CCDC92: variants seen among roughly 807,000 people sequenced by gnomAD.
The protein encoded by CCDC92 is coiled-coil domain containing 92, also known as coiled-coil domain-containing protein 92.
Under a neutral mutation model 24.9 loss-of-function variants are expected in CCDC92, and 12 were observed. That is an observed-to-expected ratio of 0.48 (90% CI 0.31 to 0.78). The LOEUF (loss-of-function observed/expected upper bound fraction) is 0.78, where lower values mean the gene tolerates loss of function less well. CCDC92 is among the 30% of genes least tolerant of loss of function. The pLI, the probability that CCDC92 is intolerant of heterozygous loss-of-function variation, is 0.05. For synonymous variants in CCDC92, 193 were observed against 196.3 expected (o/e 0.98, Z 0.14); for missense variants, 399 against 439.4 (o/e 0.91, Z 0.82).
chr12:123,964,501 G>C (rs1956345997), intron 1 of CCDC92, among the ~76,000 whole-genome samples: 1 of 152,114 alleles, frequency 6.6e-6, no homozygotes, highest in Non-Finnish European at 1.5e-5. Context: ...AGGACACTCA[G>C]AACACACCAA....
intron 1 of CCDC92, chr12:123,956,498 T>A (rs1956153974): frequency 6.6e-6 from 1 of 152,192 alleles, no homozygotes; most frequent in African/African-American, 2.4e-5. Context: ...CTGACCCCCA[T>A]AAAGTTCTTC....
intron 1 of CCDC92, among the ~76,000 whole-genome samples, chr12:123,964,696 G>C (rs535579330): frequency 3.3e-5 from 5 of 152,268 alleles, no homozygotes; most frequent in Non-Finnish European, 2.9e-5. Flanking sequence ...TTCAGAGTAG[G>C]TGAATCTAAA....
intron 1 of CCDC92, among the ~76,000 whole-genome samples, chr12:123,952,895 T>C (rs1956060851): frequency 6.6e-6 from 1 of 152,196 alleles, no homozygotes; most frequent in Non-Finnish European, 1.5e-5. Flanking sequence ...ACAGGTGAGG[T>C]TGAGAGCTTA....
intron 1 of CCDC92, among the ~76,000 whole-genome samples, chr12:123,964,548 T>C (rs899826640): frequency 2.6e-5 from 4 of 152,150 alleles, no homozygotes; most frequent in African/African-American, 9.7e-5. Context: ...TTTGTGGAGC[T>C]AATATTTGGG....
chr12:123,957,806 T>G lies in CCDC92; in HGVS notation c.-59-13442A>C, dbSNP rs1349456039. On this transcript the variant is annotated intron_variant, in intron 1 of 4. Transcript: ENST00000238156. ...TCACTGCAACCTCCACCTCCCACGT[T>G]CAAGTGATTCTTGTGCCTCAGCCCC... Among the ~76,000 whole-genome samples, 4 of 143,590 alleles carry G rather than the reference T, an allele frequency of 2.8e-5. No individual in the cohort carries two copies. The East Asian group carries it at 8.5e-4, about 30-fold the overall frequency. 94.2% of individuals were successfully genotyped at this position (143,590 alleles called of 152,430 possible).
In CCDC92 at chr12:123,936,762, T is replaced by G. The variant is rs945781997; in HGVS notation, c.*296A>C. On this transcript the variant is annotated 3_prime_UTR_variant, in exon 5 of 5. Transcript: ENST00000238156. ...TGTGTGGCATCGTGAACATCAGTAG[T>G]GACGCAGCCGTGGCCTGGGCTTTGC... The G allele has an allele frequency of 1.9e-6, 1 of 536,428 alleles. No homozygotes were observed. The highest frequency in any genetic ancestry group is 3.3e-6 in the Non-Finnish European group (1 of 301,202). The allele number at this position is 536,428 out of a possible 1,614,324, so 33.2% of individuals were successfully genotyped here.
At chr12:123,971,392 G>T (rs1412553754) in intron 1 of CCDC92, 3 of 144,482 alleles carry the variant, frequency 2.1e-5, no homozygotes, top group Admixed American at 6.9e-5. Flanking sequence ...ATGCAATAGC[G>T]AGAAAATGCA....
chr12:123,970,212 T>C (rs536934018), intron 1 of CCDC92: 2 of 152,310 alleles, frequency 1.3e-5, no homozygotes, highest in South Asian at 4.1e-4. Context: ...AGTCCTCGAA[T>C]ATAGTTGCCA....
chr12:123,965,492 C>T (rs565884767), intron 1 of CCDC92, among the ~76,000 whole-genome samples: 3 of 152,172 alleles, frequency 2.0e-5, no homozygotes, highest in Non-Finnish European at 2.9e-5. Context: ...GAGGGCTGCA[C>T]GCTCTTGGAG....
At chr12:123,947,400 A>G (rs1480071771) in intron 1 of CCDC92, among the ~76,000 whole-genome samples, 1 of 152,182 alleles carries the variant, frequency 6.6e-6, no homozygotes, top group African/African-American at 2.4e-5. Context: ...TGTGGGATCC[A>G]CTGGGTGAAG....
intron 3 of CCDC92, among the ~76,000 whole-genome samples, chr12:123,942,991 C>T (rs1955734545): frequency 1.3e-5 from 2 of 152,054 alleles, no homozygotes; most frequent in African/African-American, 4.8e-5. Context: ...ACCCTCTGTT[C>T]CCCCAAACTC....
intron 1 of CCDC92, among the ~76,000 whole-genome samples, chr12:123,953,937 C>T (rs1179405183): frequency 2.0e-5 from 3 of 152,136 alleles, no homozygotes; most frequent in African/African-American, 7.2e-5. Context: ...GCCTGGGCAA[C>T]AAGAGGGAAA....
intron 1 of CCDC92, among the ~76,000 whole-genome samples, chr12:123,963,146 CCCA>C (rs1188632459): frequency 1.3e-5 from 2 of 152,096 alleles, no homozygotes; most frequent in Admixed American, 6.6e-5. Flanking sequence ...ACAGGACAGC[CCCA>C]CAACAAGGGC....
chr12:123,966,330 G>A (rs775186043), intron 1 of CCDC92: 2 of 152,194 alleles, frequency 1.3e-5, no homozygotes, highest in African/African-American at 4.8e-5. Flanking sequence ...AACCATGAGA[G>A]TTGTGACAAA....
intron 1 of CCDC92, chr12:123,971,751 G>A (rs1457968882): frequency 6.6e-6 from 1 of 152,304 alleles, no homozygotes; most frequent in East Asian, 1.9e-4. Context: ...CGCCGTAGCA[G>A]ACGGCAGCCC....
chr12:123,948,691 C>T (rs1955946867), intron 1 of CCDC92, among the ~76,000 whole-genome samples: 1 of 152,194 alleles, frequency 6.6e-6, no homozygotes, highest in African/African-American at 2.4e-5. Context: ...CTGTGCAGGG[C>T]ATTCTACAGC....
chr12:123,943,909 C>A, intron 2 of CCDC92: 1 of 450,482 alleles, frequency 2.2e-6, no homozygotes, highest in Non-Finnish European at 3.9e-6. Context: ...CTGTCCTCTC[C>A]ACGCACCACC....
chr12:123,969,556 C>T (rs1250164479), intron 1 of CCDC92, among the ~76,000 whole-genome samples: 1 of 145,770 alleles, frequency 6.9e-6, no homozygotes, highest in Non-Finnish European at 1.5e-5. Context: ...GCAACCTCTG[C>T]CTCCTGGGTT....
intron 1 of CCDC92, among the ~76,000 whole-genome samples, chr12:123,958,827 T>G (rs899944443): frequency 1.3e-5 from 2 of 152,222 alleles, no homozygotes; most frequent in Admixed American, 1.3e-4. Flanking sequence ...CTTTGTAGTT[T>G]CCTCTGCCCT....
Sources: allele counts gnomAD v4.1 joint callset (sites outside exome capture counted in the v4.1 genomes callset), GRCh38; gene constraint gnomAD v4.1.1; transcripts MANE v1.5; gene names NCBI Gene and HGNC (gene_info 2026-07-23, HGNC 2026-07-21).